Variants in MSH3 observed in about 807,000 individuals in gnomAD.
The protein encoded by MSH3 is mutS homolog 3, also known as DNA mismatch repair protein Msh3.
Under a neutral mutation model 123.3 loss-of-function variants are expected in MSH3, and 106 were observed. The ratio of observed to expected loss-of-function variants is 0.86; its 90% CI spans 0.73 to 1.01. The LOEUF (loss-of-function observed/expected upper bound fraction) is 1.01, where lower values mean the gene tolerates loss of function less well. MSH3 is among the 50% of genes least tolerant of loss of function. The pLI is 0.00. For missense variants in MSH3, 1,459 were observed against 1,347.6 expected, an observed-to-expected ratio of 1.08 and a Z score of -1.29; for synonymous variants, 515 against 481.4, an observed-to-expected ratio of 1.07 and a Z score of -0.91.
intron 10 of MSH3, among the ~76,000 whole-genome samples, chr5:80,736,220 C>T (rs543872613): frequency 3.3e-5 from 5 of 151,352 alleles, no homozygotes; most frequent in East Asian, 3.9e-4. Flanking sequence ...AGCGAGACTC[C>T]GTCCCTCACC....
At chr5:80,833,152 G>A (rs1056991166) in intron 20 of MSH3, among the ~76,000 whole-genome samples, 1 of 151,996 alleles carries the variant, frequency 6.6e-6, no homozygotes, top group Non-Finnish European at 1.5e-5. Context: ...GGAGTAGGGG[G>A]ATTAGAAAGA....
At chr5:80,761,734 A>G (rs1744039519) in intron 13 of MSH3, 56 bp downstream of exon 13, 8 of 1,595,098 alleles carry the variant, frequency 5.0e-6, no homozygotes, top group South Asian at 2.2e-5. Flanking sequence ...TGAGGACACT[A>G]TATATTAAAA....
intron 8 of MSH3, among the ~76,000 whole-genome samples, chr5:80,709,293 T>C (rs1323381179): frequency 1.3e-5 from 2 of 151,880 alleles, no homozygotes; most frequent in East Asian, 1.9e-4. Context: ...CTCATAAATA[T>C]TGCACAACTG....
chr5:80,838,828 C>G lies in MSH3; in HGVS notation c.2814-15302C>G, dbSNP rs1198637792. 2.6e-5 allele frequency among the ~76,000 whole-genome samples: 4 copies of G among 152,278 alleles called. No homozygotes were observed. In the East Asian group the frequency reaches 7.7e-4, roughly 29 times the overall value. Reference sequence around the variant, plus strand: ...CTATTTATGCAAGTTACTGCTGTTTCTACCATGTTTAGCTGTGTGACATAA... The same window carrying G: ...CTATTTATGCAAGTTACTGCTGTTTGTACCATGTTTAGCTGTGTGACATAA... On this transcript the variant is annotated intron_variant, in intron 20 of 23. Coordinates refer to ENST00000265081, the MANE Select transcript of MSH3 (RefSeq NM_002439.5).
chr5:80,725,342 A>C, intron 8 of MSH3, 111 bp from the exon 9 acceptor site: 1 of 730,274 alleles, frequency 1.4e-6, no homozygotes, highest in Non-Finnish European at 2.4e-6. Flanking sequence ...CTTGGGAAAG[A>C]ATAAGGAATA....
intron 20 of MSH3, among the ~76,000 whole-genome samples, chr5:80,830,393 T>G (rs1336429527): frequency 6.6e-6 from 1 of 152,226 alleles, no homozygotes; most frequent in African/African-American, 2.4e-5. Flanking sequence ...TAACATTTTA[T>G]AGGAAGAAAA....
chr5:80,710,162 T>A (rs1750831044), intron 8 of MSH3, among the ~76,000 whole-genome samples: 1 of 152,202 alleles, frequency 6.6e-6, no homozygotes, highest in Admixed American at 6.5e-5. Context: ...TAAACACCCT[T>A]GTGAGGTTGC....
chr5:80,839,019 A>G (rs751059813), intron 20 of MSH3, among the ~76,000 whole-genome samples: 3 of 152,192 alleles, frequency 2.0e-5, no homozygotes, highest in South Asian at 2.1e-4. Context: ...ACAGTACTCA[A>G]TCTCTCTGAA....
At chr5:80,854,379 C>T in intron 21 of MSH3, 63 bp downstream of exon 21, 2 of 1,452,200 alleles carry the variant, frequency 1.4e-6, no homozygotes, top group Non-Finnish European at 1.9e-6. Context: ...TTTTAAATGA[C>T]AGTCATAATT....
At chr5:80,672,154 A>T in intron 4 of MSH3, 90 bp from the exon 5 acceptor site, 1 of 930,632 alleles carries the variant, frequency 1.1e-6, no homozygotes, top group Non-Finnish European at 1.7e-6. Context: ...CTAAATGTAT[A>T]CCTTGATTAA....
chr5:80,721,748 A>T (rs1751084600), intron 8 of MSH3, among the ~76,000 whole-genome samples: 1 of 152,232 alleles, frequency 6.6e-6, no homozygotes. Flanking sequence ...CTTGAATCTA[A>T]CAAAAAACAA....
chr5:80,748,147 A>G (rs1561464781), intron 12 of MSH3, among the ~76,000 whole-genome samples: 1 of 152,214 alleles, frequency 6.6e-6, no homozygotes, highest in Non-Finnish European at 1.5e-5. Flanking sequence ...AGATCTCCCC[A>G]GGTTCTGCAA....
At chr5:80,864,709 A>T in intron 21 of MSH3, 104 bp from the exon 22 acceptor site, 2 of 992,402 alleles carry the variant, frequency 2.0e-6, no homozygotes, top group Non-Finnish European at 3.1e-6. Context: ...TTTTCTTGTG[A>T]CTTTTAGGAA....
Position 80,713,770 on chromosome 5 carries a change from C to T in MSH3, c.1341-11683C>T, listed in dbSNP as rs192420314. Among the ~76,000 whole-genome samples, 194 of 143,096 alleles carry T rather than the reference C, an allele frequency of 1.4e-3. 2 individuals carry two copies. The highest frequency in any genetic ancestry group is 5.0e-3 in the African/African-American group (187 of 37,584). The allele number at this position is 143,096 out of a possible 152,430, so 93.9% of individuals were successfully genotyped here. On this transcript the variant is annotated intron_variant, in intron 8 of 23. Coordinates refer to ENST00000265081, the MANE Select transcript of MSH3 (RefSeq NM_002439.5). Reference sequence around the variant, plus strand: ...TTTACTCCAGTCCTATGGTGGCTACCGGTATTGTTCTTGTCGCCTGCTATT... The same window carrying T: ...TTTACTCCAGTCCTATGGTGGCTACTGGTATTGTTCTTGTCGCCTGCTATT...
chr5:80,809,740 G>T (rs1182415467), intron 19 of MSH3, among the ~76,000 whole-genome samples: 1 of 151,930 alleles, frequency 6.6e-6, no homozygotes, highest in African/African-American at 2.4e-5. Context: ...TTTCCATTTT[G>T]TACTTTTCTC....
At chr5:80,682,516 G>A (rs1235662343) in intron 8 of MSH3, among the ~76,000 whole-genome samples, 9 of 152,106 alleles carry the variant, frequency 5.9e-5, no homozygotes, top group African/African-American at 2.2e-4. Context: ...TCAGGAGTTC[G>A]AGACCAGCCT....
At chr5:80,710,311 C>T (rs184894442) in intron 8 of MSH3, among the ~76,000 whole-genome samples, 42 of 152,300 alleles carry the variant, frequency 2.8e-4, no homozygotes, top group African/African-American at 9.9e-4. Context: ...CACACTATGT[C>T]ATACAGCCTC....
rs776286022 is a variant in MSH3 at position 80,656,471 on chromosome 5, A to G, written c.298A>G (p.Lys100Glu). 3.1e-6 allele frequency: 5 copies of G among 1,614,112 alleles called. No homozygotes were observed. In the African/African-American group the frequency reaches 6.7e-5, roughly 22 times the overall value. Residue 100 changes from lysine to glutamate, a missense_variant, in exon 2 of 24, where the codon AAA becomes GAA. Physicochemically the swap from Lys to Glu is moderately conservative, Grantham distance 56. Coordinates refer to ENST00000265081, the MANE Select transcript of MSH3 (RefSeq NM_002439.5). ...GGAAAATGATGGGCCTGTTAAAAAG[A>G]AAGTAAAGAAAGTCCAACAAAAGGA... ...PLENDGPVKKKVKKVQQKEGG... is the reference protein window; with the variant it reads ...PLENDGPVKKEVKKVQQKEGG...
chr5:80,829,104 G>A (rs866886363), intron 20 of MSH3, among the ~76,000 whole-genome samples: 4 of 152,164 alleles, frequency 2.6e-5, no homozygotes, highest in South Asian at 4.1e-4. Flanking sequence ...CATTTATGAG[G>A]GCAGAGCCCT....
Sources: gnomAD v4.1 joint callset for allele counts (sites outside exome capture counted in the v4.1 genomes callset) on GRCh38, gnomAD v4.1.1 for gene constraint, MANE v1.5 for transcripts, NCBI Gene and HGNC (gene_info 2026-07-23, HGNC 2026-07-21) for gene names.